The following CMSS1 variants were observed in gnomAD, a reference collection of about 807,000 sequenced individuals.
CMSS1 encodes protein CMSS1.
A neutral mutation model predicts 43.5 loss-of-function variants in CMSS1; 33 were observed. The observed-to-expected ratio is 0.76, with a 90% confidence interval of 0.57 to 1.01. The LOEUF is 1.01. Ranked by LOEUF, CMSS1 falls within the 50% of genes least tolerant of loss-of-function variation. CMSS1 has a pLI of 0.00. For synonymous variants in CMSS1, 115 were observed against 117.2 expected (o/e 0.98, Z 0.12); for missense variants, 313 against 326.4 (o/e 0.96, Z 0.32).
chr3:99,964,502 G>A (rs1229432777), intron 1 of CMSS1: 2 of 152,480 alleles, frequency 1.3e-5, no homozygotes, highest in Non-Finnish European at 2.9e-5. Context: ...AGGGCTCAGA[G>A]CTAGGTAGTG....
At chr3:99,994,027 A>G (rs1028466082) in intron 1 of CMSS1, among the ~76,000 whole-genome samples, 3 of 152,154 alleles carry the variant, frequency 2.0e-5, no homozygotes, top group Non-Finnish European at 4.4e-5. Flanking sequence ...TTTTTTGGAC[A>G]GTTTCAGGAG....
chr3:100,012,071 A>G (rs1470980618), intron 1 of CMSS1, among the ~76,000 whole-genome samples: 1 of 152,330 alleles, frequency 6.6e-6, no homozygotes, highest in Admixed American at 6.5e-5. Context: ...TGTGGTAAGC[A>G]AGGGATGAAT....
chr3:100,164,822 G>A (rs1345569058), intron 4 of CMSS1, among the ~76,000 whole-genome samples: 1 of 152,056 alleles, frequency 6.6e-6, no homozygotes, highest in Non-Finnish European at 1.5e-5. Flanking sequence ...TTAGTTTGTC[G>A]AGCCTCTGAC....
rs188024104 is a variant in CMSS1, at chr3:100,079,563, A to G, written c.65-67410A>G. On this transcript the variant is annotated intron_variant, in intron 1 of 9. Transcript: ENST00000421999. ...AAAAAAGTAGATTTTTTATTTTTGA[A>G]TAGATACAGTCAGTGTCACTTTTGA... Among the ~76,000 whole-genome samples the G allele has an allele frequency of 3.3e-5, 5 of 152,332 alleles. No homozygotes were observed. The East Asian group carries it at 9.6e-4, about 29-fold the overall frequency.
chr3:99,981,764 A>G (rs1481451521), intron 1 of CMSS1, among the ~76,000 whole-genome samples: 2 of 152,150 alleles, frequency 1.3e-5, no homozygotes, highest in African/African-American at 2.4e-5. Flanking sequence ...CTTTACCCAA[A>G]AGAGGAAGAA....
chr3:99,830,434 G>A, intron 1 of CMSS1: 1 of 451,704 alleles, frequency 2.2e-6, no homozygotes, highest in Non-Finnish European at 4.5e-6. Flanking sequence ...CCTCCCACGT[G>A]GAGGAAGGTG....
intron 1 of CMSS1, among the ~76,000 whole-genome samples, chr3:100,021,952 TGTGTGTGTGAGAGA>T (rs1559728590): frequency 2.7e-5 from 3 of 111,458 alleles, no homozygotes; most frequent in Non-Finnish European, 3.9e-5. Flanking sequence ...TGTGTGTGTG[TGTGTGTGTGAGAGA>T]GAGAGAGAGA....
chr3:99,931,063 A>T, intron 1 of CMSS1: 1 of 1,588,478 alleles, frequency 6.3e-7, no homozygotes, highest in South Asian at 1.1e-5. Context: ...GTAAAGCTTA[A>T]TGGAAATGGA....
At position 99,928,929 on chromosome 3, in the gene CMSS1, C is replaced by G. The variant is rs140973341; in HGVS notation, c.64+110886C>G. 6.7e-3 allele frequency among the ~76,000 whole-genome samples: 1,024 copies of G among 152,286 alleles called. 3 individuals are homozygous for G. The highest frequency in any genetic ancestry group is 8.5e-3 in the African/African-American group (352 of 41,540). ...GAAGCAGATACATATGACCAAACTC[C>G]TTCACTATTTGGCAAGACAGTAGTC... On this transcript the variant is annotated intron_variant, in intron 1 of 9. Transcript: ENST00000421999.
chr3:100,128,445 TA>T lies in CMSS1; in HGVS notation c.65-18526del, dbSNP rs750197440. On this transcript the variant is annotated intron_variant, in intron 1 of 9. Transcript: ENST00000421999. Reference sequence around the variant, plus strand: ...ACATAACATATGGTAGAGAGATTGTTAATGTTTTTTGCAACTTTAAACACCA... The same window carrying T: ...ACATAACATATGGTAGAGAGATTGTTATGTTTTTTGCAACTTTAAACACCA... 2.6e-5 allele frequency among the ~76,000 whole-genome samples: 4 copies of T among 152,240 alleles called. No individual in the cohort carries two copies. In the East Asian group the frequency reaches 7.7e-4, roughly 29 times the overall value.
intron 1 of CMSS1, among the ~76,000 whole-genome samples, chr3:100,006,983 T>G (rs1028420803): frequency 6.6e-6 from 1 of 152,242 alleles, no homozygotes; most frequent in Non-Finnish European, 1.5e-5. Context: ...GTCCAAAACT[T>G]GAGCATATTC....
chr3:100,158,027 C>T (rs1160655278), intron 2 of CMSS1, among the ~76,000 whole-genome samples: 1 of 152,150 alleles, frequency 6.6e-6, no homozygotes, highest in South Asian at 2.1e-4. Flanking sequence ...CACTTCTATC[C>T]AGCTCCAGCC....
At chr3:99,848,060 TC>T (rs1943447499) in intron 1 of CMSS1, 1 of 1,284,992 alleles carries the variant, frequency 7.8e-7, no homozygotes, top group Non-Finnish European at 9.9e-7. Flanking sequence ...CTAAATATTT[TC>T]CATACAAGTA....
At chr3:99,919,364 C>CT (rs1312545826) in intron 1 of CMSS1, among the ~76,000 whole-genome samples, 1 of 149,870 alleles carries the variant, frequency 6.7e-6, no homozygotes, top group Non-Finnish European at 1.5e-5. Flanking sequence ...ACACAATGAA[C>CT]AAATATTCAG....
At chr3:99,949,744 A>G (rs143966899) in intron 1 of CMSS1, among the ~76,000 whole-genome samples, 104 of 152,358 alleles carry the variant, frequency 6.8e-4, no homozygotes, top group Non-Finnish European at 1.1e-3. Flanking sequence ...TCTTTTAGCC[A>G]TTATGTATCT....
chr3:99,973,621 A>G (rs974555105), intron 1 of CMSS1, among the ~76,000 whole-genome samples: 8 of 152,180 alleles, frequency 5.3e-5, no homozygotes, highest in African/African-American at 1.9e-4. Context: ...CTCACATCCT[A>G]TAGGTAAGTA....
At chr3:99,892,220 C>T (rs1172476143) in intron 1 of CMSS1, among the ~76,000 whole-genome samples, 1 of 152,164 alleles carries the variant, frequency 6.6e-6, no homozygotes, top group African/African-American at 2.4e-5. Flanking sequence ...TCATAGTGCA[C>T]TAGGCAAGTC....
intron 1 of CMSS1, among the ~76,000 whole-genome samples, chr3:99,983,484 A>G (rs377148615): frequency 0.038 from 963 of 25,076 alleles, 60 homozygotes; most frequent in African/African-American, 0.11. Flanking sequence ...ATATATATAT[A>G]TATATATATA....
At chr3:100,103,854 T>G (rs923242827) in intron 1 of CMSS1, among the ~76,000 whole-genome samples, 1 of 152,232 alleles carries the variant, frequency 6.6e-6, no homozygotes, top group African/African-American at 2.4e-5. Flanking sequence ...CCCTGTGTGT[T>G]GGCAGCATTA....
Sources: gnomAD v4.1 joint callset for allele counts (sites outside exome capture counted in the v4.1 genomes callset) on GRCh38, gnomAD v4.1.1 for gene constraint, MANE v1.5 for transcripts, NCBI Gene and HGNC (gene_info 2026-07-23, HGNC 2026-07-21) for gene names.